Variants in HLA-DQA1 observed in about 807,000 individuals in gnomAD.
The protein encoded by HLA-DQA1 is HLA class II histocompatibility antigen, DQ alpha 1 chain.
Under a neutral mutation model 20.7 loss-of-function variants are expected in HLA-DQA1, and 10 were observed. The ratio of observed to expected loss-of-function variants is 0.48; its 90% CI spans 0.30 to 0.82. The LOEUF is 0.82. HLA-DQA1 is among the 40% of genes least tolerant of loss of function. The pLI, the probability that HLA-DQA1 is intolerant of heterozygous loss-of-function variation, is 0.07. For synonymous variants in HLA-DQA1, 39 were observed against 109.2 expected (o/e 0.36, Z 4.01); for missense variants, 127 against 293.0 (o/e 0.43, Z 4.14).
rs1781322816 is a variant in HLA-DQA1 at position 32,640,748 on chromosome 6, C to T, written c.83-562C>T. On this transcript the variant is annotated intron_variant, in intron 1 of 4. Transcript: ENST00000343139. The stretch of plus-strand genomic sequence containing the variant: ...TATTACCAATCTTGTTATACTCTTT[C>T]TTATACCCTACAATTGTTAGCAGAA... 2.0e-5 allele frequency among the ~76,000 whole-genome samples: 2 copies of T among 98,234 alleles called. 1 individual carries two copies. The highest frequency in any genetic ancestry group is 7.1e-5 in the African/African-American group (2 of 28,324). 64.4% of individuals were successfully genotyped at this position (98,234 alleles called of 152,430 possible).
At chr6:32,650,112 G>T (rs112984211), downstream of HLA-DQA1, among the ~76,000 whole-genome samples, 21,681 of 69,272 alleles carry the variant, frequency 0.31, 8,445 homozygotes, top group Admixed American at 0.38. Context: ...ATCATCACTG[G>T]TCACCAGAGA....
At chr6:32,653,837 T>TTTTTTACAA in the HLA-DQA1 span, among the ~76,000 whole-genome samples, 54 of 93,484 alleles carry the variant, frequency 5.8e-4, no homozygotes, top group South Asian at 9.6e-4. Flanking sequence ...ATCTTTTACA[T>TTTTTTACAA]CATTATGTTA....
At chr6:32,646,048 G>A (rs180778261), downstream of HLA-DQA1, 9 of 150,610 alleles carry the variant, frequency 6.0e-5, 2 homozygotes, top group African/African-American at 1.9e-4. Flanking sequence ...AAATATTTAC[G>A]TAATGTTAAA....
the HLA-DQA1 span, among the ~76,000 whole-genome samples, chr6:32,655,258 T>C: frequency 8.3e-6 from 1 of 120,600 alleles, no homozygotes; most frequent in Admixed American, 9.6e-5. Context: ...TAAAGTTTTC[T>C]GTTTTTTAAA....
chr6:32,650,707 G>C (rs375349820), downstream of HLA-DQA1, among the ~76,000 whole-genome samples: 5 of 89,604 alleles, frequency 5.6e-5, 2 homozygotes, highest in East Asian at 1.8e-3. Flanking sequence ...TCGGGGAGTC[G>C]GGGGTTGGGG....
At chr6:32,650,410 T>C (rs138279058), downstream of HLA-DQA1, among the ~76,000 whole-genome samples, 10,534 of 96,570 alleles carry the variant, frequency 0.11, 3,870 homozygotes, top group South Asian at 0.25. Flanking sequence ...TGTATGTTTA[T>C]TGCGGCACTA....
intron 1 of HLA-DQA1, chr6:32,638,993 AG>A: frequency 2.9e-6 from 1 of 347,416 alleles, no homozygotes; most frequent in Non-Finnish European, 5.7e-6. Context: ...GATAGTTAAA[AG>A]GGGAAGTGAA....
chr6:32,638,699 G>GAGGAAGGAAGGA (rs34024030), intron 1 of HLA-DQA1, among the ~76,000 whole-genome samples: 807 of 76,836 alleles, frequency 0.011, 180 homozygotes, highest in East Asian at 0.032. Flanking sequence ...GAAAGAAAGC[G>GAGGAAGGAAGGA]AGGAAGGAAG....
chr6:32,646,332 G>A (rs1481260560), downstream of HLA-DQA1: 1 of 141,736 alleles, frequency 7.1e-6, no homozygotes, highest in Non-Finnish European at 1.6e-5. Context: ...GAGGCCAATA[G>A]GGGAGGATTG....
downstream of HLA-DQA1, chr6:32,644,041 A>AAACAACGCCAG (rs148129019): frequency 6.7e-6 from 1 of 148,502 alleles, no homozygotes; most frequent in Non-Finnish European, 1.5e-5. Context: ...AAACATGCCA[A>AAACAACGCCAG]TATCTTCAGA....
At chr6:32,637,575 GA>G in intron 1 of HLA-DQA1, 35 bp downstream of exon 1, 2 of 926,560 alleles carry the variant, frequency 2.2e-6, no homozygotes, top group South Asian at 1.5e-5. Flanking sequence ...CTCTGGAGCT[GA>G]AAAACAGTAA....
chr6:32,644,996 ATG>A (rs1781796120), downstream of HLA-DQA1: 1 of 145,172 alleles, frequency 6.9e-6, no homozygotes, highest in African/African-American at 2.5e-5. Context: ...AGTGATGATC[ATG>A]AAAATGTCCA....
At chr6:32,639,633 G>A (rs1581977711) in intron 1 of HLA-DQA1, 1 of 97,690 alleles carries the variant, frequency 1.0e-5, no homozygotes, top group East Asian at 3.3e-4. Context: ...AACAGTATGG[G>A]GTGCAGGAAA....
At chr6:32,648,141 A>C (rs17612690), downstream of HLA-DQA1, among the ~76,000 whole-genome samples, 16,563 of 67,734 alleles carry the variant, frequency 0.24, 3,001 homozygotes, top group Middle Eastern at 0.48. Flanking sequence ...AAGGTTGAGG[A>C]GGGCAGAGCA....
chr6:32,639,269 A>T (rs9272556), intron 1 of HLA-DQA1: 41,684 of 125,152 alleles, frequency 0.33, 12,149 homozygotes, highest in Admixed American at 0.43. Context: ...ATAATGGAAT[A>T]TTAGAGCCTA....
At chr6:32,642,874 T>C in intron 4 of HLA-DQA1, 78 bp from the exon 5 acceptor site, 1 of 870,764 alleles carries the variant, frequency 1.1e-6, no homozygotes, top group Non-Finnish European at 1.8e-6. Context: ...TTGAAAGTTG[T>C]AGGGGAATTG....
downstream of HLA-DQA1, among the ~76,000 whole-genome samples, chr6:32,647,530 A>G (rs17612533): frequency 0.31 from 23,439 of 76,296 alleles, 5,647 homozygotes; most frequent in Middle Eastern, 0.48. Context: ...GAAGTTTTCT[A>G]CAATGCAAAG....
chr6:32,640,526 T>C (rs9272642), intron 1 of HLA-DQA1, among the ~76,000 whole-genome samples: 1,971 of 58,794 alleles, frequency 0.034, 99 homozygotes, highest in East Asian at 0.13. Context: ...TGAGTCAGAA[T>C]GCTGTAGACA....
downstream of HLA-DQA1, among the ~76,000 whole-genome samples, chr6:32,648,074 T>C (rs1337425798): frequency 0.13 from 17,458 of 130,078 alleles, 1,318 homozygotes; most frequent in Middle Eastern, 0.34. Context: ...CGTTTAGAGA[T>C]GGCTTGAAGA....
Sources: allele counts gnomAD v4.1 joint callset (sites outside exome capture counted in the v4.1 genomes callset), GRCh38; gene constraint gnomAD v4.1.1; transcripts MANE v1.5; gene names NCBI Gene and HGNC (gene_info 2026-07-23, HGNC 2026-07-21).